COMP: variants seen among roughly 807,000 people sequenced by gnomAD.
The protein encoded by COMP is cartilage oligomeric matrix protein, also known as cartilage oligomeric matrix protein (pseudoachondroplasia, epiphyseal dysplasia 1, multiple).
A neutral mutation model predicts 95.8 loss-of-function variants in COMP; 79 were observed. That is an observed-to-expected ratio of 0.82 (90% CI 0.69 to 0.99). COMP has a LOEUF of 0.99. Among genes scored for constraint, COMP ranks in the 50% least tolerant of loss-of-function variants. COMP has a pLI of 0.00. For synonymous variants in COMP, 438 were observed against 433.9 expected (o/e 1.01, Z -0.12); for missense variants, 906 against 1,076.1 (o/e 0.84, Z 2.21).
rs556482844 is a variant in COMP, at chr19:18,791,027, C to T, written c.80-92G>A. The T allele has an allele frequency of 5.2e-6, 8 of 1,524,734 alleles. No individual in the cohort carries two copies. The East Asian group carries it at 1.5e-4, about 28-fold the overall frequency. 94.5% of individuals were successfully genotyped at this position (1,524,734 alleles called of 1,614,324 possible). A position where few individuals can be genotyped will look rare whatever the true frequency, so the allele number is the denominator to read the frequency against. ...TGCAGCGAACCCGGACCTCCGAGGC[C>T]CCACTGCGCTCCTCTAGTCTCGGTC... On this transcript the variant is annotated intron_variant, in intron 1 of 18. Transcript: ENST00000222271.
chr19:18,785,783 A>C lies in COMP; in HGVS notation c.1558T>G (p.Cys520Gly). 1 of 1,613,380 alleles carries C rather than the reference A, an allele frequency of 6.2e-7. No homozygotes were observed. Among genetic ancestry groups the C allele is most frequent in the Non-Finnish European group, 8.5e-7 (1 of 1,180,020 alleles). ...AGCGTGACTTCAGCGTTCTCCGGAC[A>C]CACGTCGATCTTGTCTACCACCTTG... ...ADKVVDKIDVCPENAEVTLTD... is the reference protein window; with the variant it reads ...ADKVVDKIDVGPENAEVTLTD... Residue 520 changes from cysteine to glycine, a missense_variant, in exon 14 of 19, where the codon TGT becomes GGT. Physicochemically the swap from Cys to Gly is radical, Grantham distance 159. Transcript: ENST00000222271.
In COMP at chr19:18,784,676, G is replaced by A. The variant is rs2055152309; in HGVS notation, c.1914+220C>T. Among the ~76,000 whole-genome samples, 1 of 152,106 alleles carries A rather than the reference G, an allele frequency of 6.6e-6. No individual in the cohort carries two copies. Among genetic ancestry groups the A allele is most frequent in the Admixed American group, 6.5e-5 (1 of 15,280 alleles). On this transcript the variant is annotated intron_variant, in intron 16 of 18. Transcript: ENST00000222271. The surrounding 1 kb of genome is among the most constrained non-coding windows in gnomAD (Gnocchi z 4.9). ...TTAGGGCTGTGTGAGAGGGTTTAGG[G>A]TCCATAGGAAGACTGGGGGGCCCTG...
intron 15 of COMP, 126 bp downstream of exon 15, chr19:18,785,372 C>T: frequency 3.8e-6 from 5 of 1,332,656 alleles, no homozygotes; most frequent in Non-Finnish European, 5.3e-6. Context: ...CCTCTGTCCC[C>T]GCCCTTCCTG....
intron 15 of COMP, 48 bp from the exon 16 acceptor site, chr19:18,785,140 C>T (rs2055155628): frequency 6.3e-7 from 1 of 1,591,444 alleles, no homozygotes; most frequent in South Asian, 1.1e-5. Flanking sequence ...CAGCCCCAGC[C>T]CCCGGAACCT....
Position 18,785,703 on chromosome 19 carries a change from C to T in COMP, c.1638G>A (p.Gln546=), listed in dbSNP as rs1283323900. 3 of 1,613,374 alleles carry T rather than the reference C, an allele frequency of 1.9e-6. No homozygotes were observed. The highest frequency in any genetic ancestry group is 2.5e-6 in the Non-Finnish European group (3 of 1,180,044). Residue 546 remains glutamine (Q), a synonymous_variant, in exon 14 of 19, where the codon CAG becomes CAA. Coordinates refer to ENST00000222271, the MANE Select transcript of COMP (RefSeq NM_000095.3). ...TVVLDPEGDA[Q]IDPNWVVLNQ... ...TGAGCACCACCCAGTTGGGGTCAATCTGCGCGTCACCCTCCGGGTCCAGCA... is the reference window on the plus strand; with the variant it reads ...TGAGCACCACCCAGTTGGGGTCAATTTGCGCGTCACCCTCCGGGTCCAGCA...
chr19:18,788,528 T>A lies in COMP; in HGVS notation c.763-14A>T, dbSNP rs773969628. Reference sequence around the variant, plus strand: ...GCCAACGGCACACTGTGGGAGAGTGTAAGTGGGTGCCCTGGAGTGGCCGCC... The same window carrying A: ...GCCAACGGCACACTGTGGGAGAGTGAAAGTGGGTGCCCTGGAGTGGCCGCC... On this transcript the variant is annotated splice_polypyrimidine_tract_variant and intron_variant, in intron 7 of 18. Transcript: ENST00000222271. The surrounding 1 kb of genome is among the most constrained non-coding windows in gnomAD (Gnocchi z 4.7). The A allele has an allele frequency of 2.5e-6, 4 of 1,583,698 alleles. No homozygotes were observed. Among genetic ancestry groups the A allele is most frequent in the Non-Finnish European group, 3.4e-6 (4 of 1,165,506 alleles).
chr19:18,790,445 G>T, intron 3 of COMP, 117 bp downstream of exon 3: 1 of 1,328,238 alleles, frequency 7.5e-7, no homozygotes, highest in Non-Finnish European at 1.1e-6. Context: ...CCACCTCTCC[G>T]TCAGCCTCCA....
rs193169876 is a variant in COMP, at chr19:18,784,761, G to A, written c.1914+135C>T. The A allele has an allele frequency of 1.7e-3, 1,633 of 965,700 alleles. 7 individuals are homozygous for A. Among genetic ancestry groups the A allele is most frequent in the Non-Finnish European group, 2.1e-3 (1,312 of 622,474 alleles). 59.8% of individuals were successfully genotyped at this position (965,700 alleles called of 1,614,324 possible). On this transcript the variant is annotated intron_variant, in intron 16 of 18. Transcript: ENST00000222271. The surrounding 1 kb of genome is among the most constrained non-coding windows in gnomAD (Gnocchi z 4.9). ...GATTTGGGGACTGCGGGAGCCCAGA[G>A]GAGGGCTGGGACAGCTTTGAGGTCC... is the stretch of plus-strand genomic sequence containing the variant.
At chr19:18,786,763 C>CT (rs10577504) in intron 10 of COMP, 113 bp from the exon 11 acceptor site, 3,831 of 281,276 alleles carry the variant, frequency 0.014, 70 homozygotes, top group South Asian at 0.02. Flanking sequence ...TTCATGGAAG[C>CT]TTTTTTTTTT....
rs2145901288 is a variant in COMP, at chr19:18,786,546, T to G, written c.1240A>C (p.Ser414Arg). The G allele has an allele frequency of 9.3e-6, 15 of 1,614,008 alleles. No individual in the cohort carries two copies. Among genetic ancestry groups the G allele is most frequent in the Non-Finnish European group, 1.3e-5 (15 of 1,179,926 alleles). ...CCTGCCCTCACCTGATCCGGGTTGC[T>G]CTTCTGGGGACAGTTGTCACAGGCA... Reference protein sequence around the residue: ...GDACDNCPQKSNPDQADVDHD... With the variant: ...GDACDNCPQKRNPDQADVDHD... Residue 414 changes from serine to arginine, a missense_variant, in exon 11 of 19, where the codon AGC (serine) becomes CGC (arginine). By Grantham distance (110) the Ser-to-Arg change is moderately radical (BLOSUM62 -1). Transcript: ENST00000222271.
At chr19:18,790,151 C>G (rs1425140567) in intron 3 of COMP, 37 bp from the exon 4 acceptor site, 20 of 1,469,940 alleles carry the variant, frequency 1.4e-5, no homozygotes, top group Admixed American at 2.1e-5. Flanking sequence ...CGGGGCTGAT[C>G]GGTGGCTCGC....
rs1183401107 is a variant in COMP at position 18,788,557 on chromosome 19, C to T, written c.762+35G>A. ...TGGGTGCCCTGGAGTGGCCGCCACC[C>T]AACCCCGCCTCAAGCCCAGCCCGCC... On this transcript the variant is annotated intron_variant, in intron 7 of 18. Transcript: ENST00000222271. This position sits in a 1 kb window ranked among gnomAD's most constrained non-coding sequence, Gnocchi z 4.7. The T allele has an allele frequency of 2.4e-5, 37 of 1,554,026 alleles. No homozygotes were observed. Among genetic ancestry groups the T allele is most frequent in the Non-Finnish European group, 3.2e-5 (37 of 1,149,316 alleles).
intron 1 of COMP, 26 bp from the exon 2 acceptor site, chr19:18,790,961 G>A: frequency 6.5e-7 from 1 of 1,548,834 alleles, no homozygotes; most frequent in African/African-American, 1.4e-5. Flanking sequence ...ACCTGGTGAG[G>A]CGTCATGGGG....
In COMP at chr19:18,791,235, G is replaced by A; in HGVS notation, c.35C>T (p.Thr12Ile). ...VPDTACVLLL[T>I]LAALGASGQG... ...TCCGGACGCGCCGAGGGCAGCCAGG[G>A]TGAGCAGAAGAACGCAGGCGGTGTC... Residue 12 changes from threonine to isoleucine, a missense_variant, in exon 1 of 19, where the codon ACC becomes ATC. Coordinates refer to ENST00000222271, the MANE Select transcript of COMP (RefSeq NM_000095.3). 1.1e-5 allele frequency: 17 copies of A among 1,598,616 alleles called. No homozygotes were observed. The highest frequency in any genetic ancestry group is 1.4e-5 in the Non-Finnish European group (16 of 1,174,236).
rs752436941 is a variant in COMP, at chr19:18,788,258, T to A, written c.929A>T (p.Asp310Val). ...QEDVDRDGIG[D>V]ACDPDADGDG... is the part of the protein sequence containing the mutation. ...CCCGTCGGCATCCGGATCGCAGGCGTCTCCGATGCCATCGCGGTCCACATC... is the reference window on the plus strand; with the variant it reads ...CCCGTCGGCATCCGGATCGCAGGCGACTCCGATGCCATCGCGGTCCACATC... The change falls in exon 9 of 19, where the codon GAC (aspartate) becomes GTC (valine). Residue 310 changes from aspartate (D) to valine (V), a missense_variant. By Grantham distance (152) the Asp-to-Val change is radical. Transcript: ENST00000222271. The surrounding 1 kb of genome is among the most constrained non-coding windows in gnomAD (Gnocchi z 4.7). 2.0e-5 allele frequency: 32 copies of A among 1,613,074 alleles called. No homozygotes were observed. Among genetic ancestry groups the A allele is most frequent in the Non-Finnish European group, 2.5e-5 (30 of 1,179,990 alleles).
chr19:18,784,333 G>A lies in COMP; in HGVS notation c.1945C>T (p.Gln649Ter). 6 of 1,614,030 alleles carry A rather than the reference G, an allele frequency of 3.7e-6. No individual in the cohort carries two copies. The highest frequency in any genetic ancestry group is 5.1e-6 in the Non-Finnish European group (6 of 1,180,042). ...AVKSSTGPGE[Q>*]LRNALWHTGD... The stretch of plus-strand genomic sequence containing the variant: ...GTATGCCACAGAGCGTTCCGCAGCT[G>A]TTCCCCGGGGCCTGTGGAAGACTTC... Residue 649 changes from glutamine to a stop codon, truncating the protein, a stop_gained, in exon 17 of 19, where the codon CAG becomes TAG. Transcript: ENST00000222271. LOFTEE classifies it high-confidence loss of function. This position sits in a 1 kb window ranked among gnomAD's most constrained non-coding sequence, Gnocchi z 4.9.
In COMP at chr19:18,788,039, G is replaced by A. The variant is rs1204049176; in HGVS notation, c.975+173C>T. Among the ~76,000 whole-genome samples the A allele has an allele frequency of 1.3e-5, 2 of 151,848 alleles. No individual in the cohort carries two copies. The highest frequency in any genetic ancestry group is 4.8e-5 in the African/African-American group (2 of 41,322). On this transcript the variant is annotated intron_variant, in intron 9 of 18. Coordinates refer to ENST00000222271, the MANE Select transcript of COMP (RefSeq NM_000095.3). The surrounding 1 kb of genome is among the most constrained non-coding windows in gnomAD (Gnocchi z 4.7). ...CTGCCTCAGCCTCCTGAGTAGCTGGGATTACAGGCGTGCACCACCACGCCC... is the reference window on the plus strand; with the variant it reads ...CTGCCTCAGCCTCCTGAGTAGCTGGAATTACAGGCGTGCACCACCACGCCC...
Position 18,784,499 on chromosome 19 carries a change from CCTT to C in COMP, c.1915-139_1915-137del, listed in dbSNP as rs1601051708. The C allele has an allele frequency of 5.8e-6, 6 of 1,035,246 alleles. No individual in the cohort carries two copies. Among genetic ancestry groups the C allele is most frequent in the East Asian group, 2.6e-5 (1 of 38,728 alleles). 64.1% of individuals were successfully genotyped at this position (1,035,246 alleles called of 1,614,324 possible). A position where few individuals can be genotyped will look rare whatever the true frequency, so the allele number is the denominator to read the frequency against. ...TCCGGATGAGAGACCCACAAGGAAGCCTTCTTCAGGGGCCAAATGGCAGCTTGG... is the reference window on the plus strand; with the variant it reads ...TCCGGATGAGAGACCCACAAGGAAGCCTTCAGGGGCCAAATGGCAGCTTGG... On this transcript the variant is annotated intron_variant, in intron 16 of 18. Transcript: ENST00000222271. This position sits in a 1 kb window ranked among gnomAD's most constrained non-coding sequence, Gnocchi z 4.9.
At chr19:18,785,598 C>A (rs1406868461) in intron 14 of COMP, 52 bp from the exon 15 acceptor site, 5 of 1,613,710 alleles carry the variant, frequency 3.1e-6, no homozygotes, top group South Asian at 1.1e-5. Flanking sequence ...CAGCCCTAGG[C>A]ACCCTGTCCT....
Sources: allele counts gnomAD v4.1 joint callset (sites outside exome capture counted in the v4.1 genomes callset), GRCh38; gene constraint gnomAD v4.1.1; non-coding constraint Gnocchi (gnomAD v3.1); transcripts MANE v1.5; gene names NCBI Gene and HGNC (gene_info 2026-07-23, HGNC 2026-07-21).